Variants in UBE2G2 observed in about 807,000 individuals in gnomAD.
UBE2G2 encodes ubiquitin-conjugating enzyme E2 G2.
Under a neutral mutation model 23.0 loss-of-function variants are expected in UBE2G2, and 10 were observed. The ratio of observed to expected loss-of-function variants is 0.43; its 90% CI spans 0.27 to 0.74. The LOEUF is 0.74. UBE2G2 is among the 30% of genes least tolerant of loss of function. The pLI, the probability that UBE2G2 is intolerant of heterozygous loss-of-function variation, is 0.19. For synonymous variants in UBE2G2, 86 were observed against 81.3 expected (o/e 1.06, Z -0.31); for missense variants, 150 against 218.3 (o/e 0.69, Z 1.97).
chr21:44,769,834 G>C lies in UBE2G2; in HGVS notation c.*1543C>G, dbSNP rs1555959593. 1 of 152,234 alleles carries C rather than the reference G, an allele frequency of 6.6e-6. No individual in the cohort carries two copies. The highest frequency in any genetic ancestry group is 2.4e-5 in the African/African-American group (1 of 41,444). The allele number at this position is 152,234 out of a possible 1,614,324, so 9.4% of individuals were successfully genotyped here. ...CCATTATGGAAGGGAGGGAGAAAAG[G>C]ATCACATCAAATCTACTGTATGCCT... On this transcript the variant is annotated 3_prime_UTR_variant, in exon 6 of 6. Coordinates refer to ENST00000345496, the MANE Select transcript of UBE2G2 (RefSeq NM_003343.6).
In UBE2G2 at chr21:44,769,159, T is replaced by A. The variant is rs1350038771; in HGVS notation, c.*2218A>T. 1 of 152,222 alleles carries A rather than the reference T, an allele frequency of 6.6e-6. No homozygotes were observed. The highest frequency in any genetic ancestry group is 1.5e-5 in the Non-Finnish European group (1 of 68,048). The allele number at this position is 152,222 out of a possible 1,614,324, so 9.4% of individuals were successfully genotyped here. On this transcript the variant is annotated 3_prime_UTR_variant, in exon 6 of 6. Transcript: ENST00000345496. ...TACAAATGAATAAAAATACTTTATTTTGTCAAGAGACTGCCTCTCCTCCCT... is the reference window on the plus strand; with the variant it reads ...TACAAATGAATAAAAATACTTTATTATGTCAAGAGACTGCCTCTCCTCCCT...
chr21:44,773,484 G>C, intron 5 of UBE2G2, 63 bp downstream of exon 5: 1 of 1,550,310 alleles, frequency 6.5e-7, no homozygotes, highest in Non-Finnish European at 8.7e-7. Flanking sequence ...GATGACGCAA[G>C]GCTGGAGAAC....
chr21:44,790,910 T>C (rs2083037843), intron 1 of UBE2G2, among the ~76,000 whole-genome samples: 1 of 152,196 alleles, frequency 6.6e-6, no homozygotes, highest in African/African-American at 2.4e-5. Context: ...AAGGAAGATG[T>C]GGGAAAGTCT....
chr21:44,788,296 T>TG lies in UBE2G2; in HGVS notation c.44-202_44-201insC, dbSNP rs1235585498. On this transcript the variant is annotated intron_variant, in intron 1 of 5. Transcript: ENST00000345496. ...TACACAAAGTTTTTTTGTTTTTTTTTTGTTTTTTTTTGAGACGGAGTCTCA... is the reference window on the plus strand; with the variant it reads ...TACACAAAGTTTTTTTGTTTTTTTTTGTGTTTTTTTTTGAGACGGAGTCTCA... 1.5e-4 allele frequency among the ~76,000 whole-genome samples: 22 copies of TG among 148,994 alleles called. 1 individual carries two copies. The highest frequency in any genetic ancestry group is 4.0e-4 in the Admixed American group (6 of 15,064).
At chr21:44,800,271 T>G (rs1199575205) in intron 1 of UBE2G2, 1 of 152,240 alleles carries the variant, frequency 6.6e-6, no homozygotes, top group African/African-American at 2.4e-5. Context: ...TGCCTTTATG[T>G]TCTGCTTTAG....
rs1364474211 is a variant in UBE2G2, at chr21:44,771,615, C to T, written c.386-126G>A. ...GAGCTGTGTCCCAGAAACAAAGAAC[C>T]TGAGAACTGCATGGGGTCGGCCCCA... On this transcript the variant is annotated intron_variant, in intron 5 of 5. Transcript: ENST00000345496. This position sits in a 1 kb window ranked among gnomAD's most constrained non-coding sequence, Gnocchi z 4.6. The T allele has an allele frequency of 2.0e-6, 2 of 994,874 alleles. No individual in the cohort carries two copies. The highest frequency in any genetic ancestry group is 3.0e-6 in the Non-Finnish European group (2 of 659,158). 61.6% of individuals were successfully genotyped at this position (994,874 alleles called of 1,614,324 possible).
rs1555959922 is a variant in UBE2G2, at chr21:44,771,432, C to T, written c.443G>A (p.Arg148Gln). 1.2e-5 allele frequency: 19 copies of T among 1,612,974 alleles called. No individual in the cohort carries two copies. Among genetic ancestry groups the T allele is most frequent in the East Asian group, 2.2e-5 (1 of 44,884 alleles). ...CTTGGCAATCTTATAGAACTGCTCCCGGTCATCGCGCCACATTTTGGACGC... is the reference window on the plus strand; with the variant it reads ...CTTGGCAATCTTATAGAACTGCTCCTGGTCATCGCGCCACATTTTGGACGC... ...VDASKMWRDD[R>Q]EQFYKIAKQI... The change falls in exon 6 of 6, where the codon CGG becomes CAG. Residue 148 changes from arginine (R) to glutamine (Q), a missense_variant. By Grantham distance (43) the Arg-to-Gln change is conservative. Transcript: ENST00000345496. The surrounding 1 kb of genome is among the most constrained non-coding windows in gnomAD (Gnocchi z 4.6).
chr21:44,789,687 GAA>G (rs1555962692), intron 1 of UBE2G2, among the ~76,000 whole-genome samples: 4 of 152,102 alleles, frequency 2.6e-5, no homozygotes, highest in Non-Finnish European at 5.9e-5. Flanking sequence ...TAGGTAAGAA[GAA>G]AAATGGAGGC....
chr21:44,796,944 C>A (rs1249982201), intron 1 of UBE2G2, among the ~76,000 whole-genome samples: 1 of 152,232 alleles, frequency 6.6e-6, no homozygotes, highest in African/African-American at 2.4e-5. Flanking sequence ...CCACCCCCAT[C>A]CTGCCTTCAC....
At chr21:44,781,853 AGC>A (rs2082959865) in intron 3 of UBE2G2, among the ~76,000 whole-genome samples, 1 of 152,238 alleles carries the variant, frequency 6.6e-6, no homozygotes, top group African/African-American at 2.4e-5. Flanking sequence ...GGGCAAATAT[AGC>A]TTTTGCTCCA....
At chr21:44,782,039 A>G (rs541935114) in intron 3 of UBE2G2, among the ~76,000 whole-genome samples, 1 of 152,352 alleles carries the variant, frequency 6.6e-6, no homozygotes, top group African/African-American at 2.4e-5. Context: ...AACATAGACA[A>G]TCACTTTTAC....
In UBE2G2 at chr21:44,772,784, C is replaced by T. The variant is rs529870054; in HGVS notation, c.385+763G>A. Among the ~76,000 whole-genome samples, 3 of 152,270 alleles carry T rather than the reference C, an allele frequency of 2.0e-5. No individual in the cohort carries two copies. Among genetic ancestry groups the T allele is most frequent in the Non-Finnish European group, 4.4e-5 (3 of 68,022 alleles). ...CCTCTTAGCCCTGGGACCACTCAGC[C>T]CTTCTCTTTTCTCTCCAGGCTACTG... On this transcript the variant is annotated intron_variant, in intron 5 of 5. Coordinates refer to ENST00000345496, the MANE Select transcript of UBE2G2 (RefSeq NM_003343.6). This position sits in a 1 kb window ranked among gnomAD's most constrained non-coding sequence, Gnocchi z 5.4.
intron 3 of UBE2G2, among the ~76,000 whole-genome samples, chr21:44,781,617 T>A (rs1020866110): frequency 1.3e-5 from 2 of 152,164 alleles, no homozygotes; most frequent in Non-Finnish European, 2.9e-5. Flanking sequence ...TTTGGGGAAG[T>A]GCCTTCCTGC....
intron 1 of UBE2G2, among the ~76,000 whole-genome samples, chr21:44,794,676 A>G (rs2083071794): frequency 6.6e-6 from 1 of 152,028 alleles, no homozygotes; most frequent in South Asian, 2.1e-4. Context: ...CTGGGACTAC[A>G]GGGGTCCGCC....
intron 4 of UBE2G2, chr21:44,774,623 T>C (rs1359092190): frequency 9.6e-6 from 4 of 416,150 alleles, no homozygotes; most frequent in African/African-American, 8.3e-5. Context: ...CATCCATTGT[T>C]TCAGTGGTGA....
At chr21:44,799,668 A>G (rs1555964420) in intron 1 of UBE2G2, among the ~76,000 whole-genome samples, 2 of 152,190 alleles carry the variant, frequency 1.3e-5, no homozygotes, top group Non-Finnish European at 2.9e-5. Flanking sequence ...AACCACTAAA[A>G]CTTTCTCCAT....
chr21:44,794,542 T>G (rs1446683296), intron 1 of UBE2G2, among the ~76,000 whole-genome samples: 8 of 151,232 alleles, frequency 5.3e-5, no homozygotes, highest in Non-Finnish European at 1.2e-4. Flanking sequence ...TTTTTGTTTT[T>G]TTTTTTTTTT....
At chr21:44,776,627 G>C (rs1404877022) in intron 4 of UBE2G2, among the ~76,000 whole-genome samples, 2 of 152,128 alleles carry the variant, frequency 1.3e-5, no homozygotes, top group African/African-American at 4.8e-5. Context: ...TCATGGGAGG[G>C]ACCCAGTGGG....
At chr21:44,794,406 G>A (rs2083069289) in intron 1 of UBE2G2, among the ~76,000 whole-genome samples, 1 of 152,090 alleles carries the variant, frequency 6.6e-6, no homozygotes, top group Non-Finnish European at 1.5e-5. Context: ...ACATCTAGAA[G>A]AAATCATAGG....
Sources: allele counts gnomAD v4.1 joint callset (sites outside exome capture counted in the v4.1 genomes callset), GRCh38; gene constraint gnomAD v4.1.1; non-coding constraint Gnocchi (gnomAD v3.1); transcripts MANE v1.5; gene names NCBI Gene and HGNC (gene_info 2026-07-23, HGNC 2026-07-21).